CHURC1: variants seen among roughly 807,000 people sequenced by gnomAD.
CHURC1 encodes churchill domain containing 1.
Under a neutral mutation model 15.4 loss-of-function variants are expected in CHURC1, and 12 were observed. The ratio of observed to expected loss-of-function variants is 0.78; its 90% CI spans 0.50 to 1.27. The LOEUF is 1.27. CHURC1 is among the 50% of genes most tolerant of loss of function. CHURC1 has a pLI of 0.00. For synonymous variants in CHURC1, 42 were observed against 47.5 expected, an observed-to-expected ratio of 0.88 and a Z score of 0.48; for missense variants, 132 against 137.8, an observed-to-expected ratio of 0.96 and a Z score of 0.21.
At position 64,934,464 on chromosome 14, in the gene CHURC1, A is replaced by G. The variant is rs1055249004; in HGVS notation, c.*2234A>G. On this transcript the variant is annotated 3_prime_UTR_variant, in exon 4 of 4. Coordinates refer to ENST00000549115, the MANE Select transcript of CHURC1 (RefSeq NM_001386928.1). ...ATTATGTTTGGCAAATATGAAATAC[A>G]AGGATCTGGCAAGGTTAGGAAGAGG... is the stretch of plus-strand genomic sequence containing the variant. 1.1e-4 allele frequency: 112 copies of G among 985,348 alleles called. No individual in the cohort carries two copies. Among genetic ancestry groups the G allele is most frequent in the Non-Finnish European group, 1.3e-4 (107 of 829,928 alleles). 61.0% of individuals were successfully genotyped at this position (985,348 alleles called of 1,614,324 possible).
intron 1 of CHURC1, among the ~76,000 whole-genome samples, chr14:64,914,870 A>G (rs1001459828): frequency 6.6e-6 from 1 of 152,116 alleles, no homozygotes; most frequent in African/African-American, 2.4e-5. Context: ...ATGAAGTACA[A>G]TTTTCTTACC....
chr14:64,932,100 T>G (rs1218021789), intron 3 of CHURC1, 38 bp from the exon 4 acceptor site: 1 of 1,594,368 alleles, frequency 6.3e-7, no homozygotes, highest in African/African-American at 1.3e-5. Flanking sequence ...TCTTTTTCCC[T>G]GTTCCTCTAG....
Position 64,914,471 on chromosome 14 carries a change from G to A in CHURC1, c.-25G>A, listed in dbSNP as rs748878501. The A allele has an allele frequency of 1.9e-6, 3 of 1,614,282 alleles. No homozygotes were observed. The highest frequency in any genetic ancestry group is 2.5e-6 in the Non-Finnish European group (3 of 1,180,048). On this transcript the variant is annotated 5_prime_UTR_variant, in exon 1 of 4. Transcript: ENST00000549115. ...TTTCGTCTTCCCGGAAGCGTTGGAG[G>A]ACATTCCCTGTTGACTGCGTCGCGA...
At chr14:64,916,202 CA>C (rs1220529345) in intron 1 of CHURC1, among the ~76,000 whole-genome samples, 1 of 152,094 alleles carries the variant, frequency 6.6e-6, no homozygotes, top group African/African-American at 2.4e-5. Flanking sequence ...CAAAAAGAGG[CA>C]AACCAAAATA....
Position 64,934,548 on chromosome 14 carries a change from A to T in CHURC1, c.*2318A>T. 1.0e-6 allele frequency: 1 copy of T among 985,450 alleles called. No homozygotes were observed. Among genetic ancestry groups the T allele is most frequent in the Non-Finnish European group, 1.2e-6 (1 of 829,932 alleles). 61.0% of individuals were successfully genotyped at this position (985,450 alleles called of 1,614,324 possible). On this transcript the variant is annotated 3_prime_UTR_variant, in exon 4 of 4. Coordinates refer to ENST00000549115, the MANE Select transcript of CHURC1 (RefSeq NM_001386928.1). ...TGGGCATGTCAGATGAAGATTTATT[A>T]TTCAGAAAAGTTAAGTCAGCTGTTG... is the stretch of plus-strand genomic sequence containing the variant.
intron 2 of CHURC1, 103 bp downstream of exon 2, chr14:64,924,229 T>C (rs1884524550): frequency 2.3e-6 from 3 of 1,327,668 alleles, no homozygotes; most frequent in Non-Finnish European, 2.0e-6. Flanking sequence ...AATATTGTAT[T>C]GCGCACATAA....
chr14:64,915,367 AGTAT>A (rs1018307262), intron 1 of CHURC1, among the ~76,000 whole-genome samples: 4 of 152,350 alleles, frequency 2.6e-5, no homozygotes, highest in Admixed American at 1.3e-4. Context: ...AGTTTTGGGG[AGTAT>A]GTGACTAACA....
rs145403003 is a variant in CHURC1 at position 64,915,090 on chromosome 14, A to G, written c.39+556A>G. 2.7e-4 allele frequency among the ~76,000 whole-genome samples: 41 copies of G among 152,312 alleles called. No homozygotes were observed. In the East Asian group the frequency reaches 7.3e-3, roughly 27 times the overall value. ...GTTCAGGAGTTTGCAAAGCTTGTCT[A>G]TTCTCATTCATTCAAGGCATCCTTG... is the stretch of plus-strand genomic sequence containing the variant. On this transcript the variant is annotated intron_variant, in intron 1 of 3. Transcript: ENST00000549115.
chr14:64,915,701 G>T (rs748182752), intron 1 of CHURC1, among the ~76,000 whole-genome samples: 2 of 152,124 alleles, frequency 1.3e-5, no homozygotes, highest in African/African-American at 4.8e-5. Context: ...TGAAAAAGCG[G>T]GTGAGCCTTA....
chr14:64,922,424 A>G (rs1344367397), intron 1 of CHURC1, among the ~76,000 whole-genome samples: 1 of 151,834 alleles, frequency 6.6e-6, no homozygotes, highest in Non-Finnish European at 1.5e-5. Context: ...TAAAAATACG[A>G]AAAATTAGCA....
At position 64,934,011 on chromosome 14, in the gene CHURC1, G is replaced by A; in HGVS notation, c.*1781G>A. 1 of 979,576 alleles carries A rather than the reference G, an allele frequency of 1.0e-6. No individual in the cohort carries two copies. Among genetic ancestry groups the A allele is most frequent in the Non-Finnish European group, 1.2e-6 (1 of 828,852 alleles). 60.7% of individuals were successfully genotyped at this position (979,576 alleles called of 1,614,324 possible). On this transcript the variant is annotated 3_prime_UTR_variant, in exon 4 of 4. Transcript: ENST00000549115. The stretch of plus-strand genomic sequence containing the variant: ...TATATTCACTATTCTTTATTTCAGT[G>A]TAGCACTTTTAGAGCCAAAAAAACT...
At chr14:64,921,997 C>T (rs1228733197) in intron 1 of CHURC1, among the ~76,000 whole-genome samples, 2 of 152,066 alleles carry the variant, frequency 1.3e-5, no homozygotes, top group Non-Finnish European at 2.9e-5. Context: ...TTATATCGAG[C>T]AAGGAAAATT....
At position 64,935,223 on chromosome 14, in the gene CHURC1, T is replaced by C. The variant is rs546795562; in HGVS notation, c.*2993T>C. On this transcript the variant is annotated 3_prime_UTR_variant, in exon 4 of 4. Coordinates refer to ENST00000549115, the MANE Select transcript of CHURC1 (RefSeq NM_001386928.1). ...GGGTGAGGGATAGCATTAGGAGATA[T>C]ACCTGATGCTAAATGACGAGTTAGT... The C allele has an allele frequency of 8.0e-5, 19 of 237,966 alleles. No homozygotes were observed. Among genetic ancestry groups the C allele is most frequent in the Admixed American group, 1.3e-4 (2 of 15,362 alleles). The allele number at this position is 237,966 out of a possible 1,614,324, so 14.7% of individuals were successfully genotyped here. A position where few individuals can be genotyped will look rare whatever the true frequency, so the allele number is the denominator to read the frequency against.
rs1340954826 is a variant in CHURC1, at chr14:64,923,988, T to C, written c.40-3T>C. On this transcript the variant is annotated splice_polypyrimidine_tract_variant and splice_region_variant and intron_variant, in intron 1 of 3. Coordinates refer to ENST00000549115, the MANE Select transcript of CHURC1 (RefSeq NM_001386928.1). ...AATTAAATTCCTGTTTCTGATATTT[T>C]AGGGTAATACCTGCCTGGAGAATGG... 3.3e-6 allele frequency: 5 copies of C among 1,533,546 alleles called. No individual in the cohort carries two copies. Among genetic ancestry groups the C allele is most frequent in the Non-Finnish European group, 4.4e-6 (5 of 1,138,146 alleles). The allele number at this position is 1,533,546 out of a possible 1,614,324, so 95.0% of individuals were successfully genotyped here. A position where few individuals can be genotyped will look rare whatever the true frequency, so the allele number is the denominator to read the frequency against.
At chr14:64,927,725 C>CCCCCCCCCCCCCCCCCCCCA (rs1159192986) in intron 3 of CHURC1, among the ~76,000 whole-genome samples, 1 of 109,376 alleles carries the variant, frequency 9.1e-6, no homozygotes, top group Admixed American at 8.9e-5. Flanking sequence ...CACCCCCCCC[C>CCCCCCCCCCCCCCCCCCCCA]CCGCCGTCAA....
chr14:64,932,299 C>G lies in CHURC1; in HGVS notation c.*69C>G, dbSNP rs1311390182. On this transcript the variant is annotated 3_prime_UTR_variant, in exon 4 of 4. Coordinates refer to ENST00000549115, the MANE Select transcript of CHURC1 (RefSeq NM_001386928.1). The stretch of plus-strand genomic sequence containing the variant: ...CAATACAGCAAGCCTGATGGTTTGT[C>G]TTATTTCATTCATACTGAAAATTCT... The G allele has an allele frequency of 1.3e-6, 2 of 1,561,132 alleles. No individual in the cohort carries two copies. Among genetic ancestry groups the G allele is most frequent in the Non-Finnish European group, 1.7e-6 (2 of 1,150,116 alleles).
chr14:64,923,022 T>A (rs544545392), intron 1 of CHURC1, among the ~76,000 whole-genome samples: 1 of 152,324 alleles, frequency 6.6e-6, no homozygotes, highest in African/African-American at 2.4e-5. Flanking sequence ...AAACGTTGAT[T>A]TGAGTGATTT....
chr14:64,927,180 A>G (rs926836767), intron 3 of CHURC1, among the ~76,000 whole-genome samples: 18 of 152,236 alleles, frequency 1.2e-4, no homozygotes, highest in Admixed American at 1.1e-3. Context: ...CATGGAAGAA[A>G]GTGCTTAGTC....
At chr14:64,927,476 C>T (rs546449747) in intron 3 of CHURC1, among the ~76,000 whole-genome samples, 19 of 152,184 alleles carry the variant, frequency 1.2e-4, no homozygotes, top group Admixed American at 6.5e-4. Context: ...AGCTCCTGAA[C>T]GGATATTGAG....
Sources: gnomAD v4.1 joint callset for allele counts (sites outside exome capture counted in the v4.1 genomes callset) on GRCh38, gnomAD v4.1.1 for gene constraint, MANE v1.5 for transcripts, NCBI Gene and HGNC (gene_info 2026-07-23, HGNC 2026-07-21) for gene names.